The following TRIM72 variants were observed in gnomAD, a reference collection of about 807,000 sequenced individuals.
The protein encoded by TRIM72 is tripartite motif-containing protein 72.
Under a neutral mutation model 31.6 loss-of-function variants are expected in TRIM72, and 33 were observed. The observed-to-expected ratio is 1.04, with a 90% CI of 0.79 to 1.40. TRIM72 has a LOEUF of 1.40. Among genes scored for constraint, TRIM72 ranks in the 40% most tolerant of loss-of-function variants. TRIM72 has a pLI of 0.00. For missense variants in TRIM72, 666 were observed against 682.7 expected, an observed-to-expected ratio of 0.98 and a Z score of 0.27; for synonymous variants, 301 against 314.4, an observed-to-expected ratio of 0.96 and a Z score of 0.45.
chr16:31,217,326 G>C, intron 2 of TRIM72: 1 of 381,716 alleles, frequency 2.6e-6, no homozygotes, highest in Admixed American at 4.4e-5. Context: ...CTGATTCCAT[G>C]GTCAGGCACC....
chr16:31,224,302 G>T lies in TRIM72; in HGVS notation c.981G>T (p.Gln327His). 6.2e-7 allele frequency: 1 copy of T among 1,602,116 alleles called. No homozygotes were observed. The highest frequency in any genetic ancestry group is 8.5e-7 in the Non-Finnish European group (1 of 1,177,418). Residue 327 changes from glutamine (Q) to histidine (H), a missense_variant, in exon 7 of 7, where the codon CAG becomes CAT. Transcript: ENST00000322122. ...CGCCGGCCGGGGAGGACCCGCGCCAGTTCGACAAGGCGGTGGCGGTGGTGG... is the reference window on the plus strand; with the variant it reads ...CGCCGGCCGGGGAGGACCCGCGCCATTTCGACAAGGCGGTGGCGGTGGTGG... ...KAPPAGEDPR[Q>H]FDKAVAVVAH...
chr16:31,226,322 G>C lies in TRIM72; in HGVS notation c.*1567G>C, dbSNP rs1365836040. ...ACCAAAGCAAAGACACTTAAGGGCT[G>C]GGTACTCATGCCTGTAAACCCAACA... On this transcript the variant is annotated 3_prime_UTR_variant, in exon 7 of 7. Transcript: ENST00000322122. 6.6e-6 allele frequency: 1 copy of C among 152,166 alleles called. No homozygotes were observed. Among genetic ancestry groups the C allele is most frequent in the Non-Finnish European group, 1.5e-5 (1 of 68,046 alleles). 9.4% of individuals were successfully genotyped at this position (152,166 alleles called of 1,614,324 possible).
intron 5 of TRIM72, among the ~76,000 whole-genome samples, chr16:31,222,446 T>C (rs1478750218): frequency 1.0e-4 from 15 of 148,202 alleles, no homozygotes; most frequent in African/African-American, 3.7e-4. Context: ...ATAATACATG[T>C]AACATAAAAT....
chr16:31,230,113 A>G lies in TRIM72; in HGVS notation c.*5358A>G, dbSNP rs537361190. ...AAAAGAAATTAAAGAATGTGTAAGC[A>G]AAAACTCAGTTGTATGTAAGAAAAC... On this transcript the variant is annotated 3_prime_UTR_variant, in exon 7 of 7. Coordinates refer to ENST00000322122, the MANE Select transcript of TRIM72 (RefSeq NM_001008274.4). The G allele has an allele frequency of 6.6e-6, 1 of 152,302 alleles. No individual in the cohort carries two copies. Among genetic ancestry groups the G allele is most frequent in the East Asian group, 1.9e-4 (1 of 5,170 alleles). The allele number at this position is 152,302 out of a possible 1,614,324, so 9.4% of individuals were successfully genotyped here. A position where few individuals can be genotyped will look rare whatever the true frequency, so the allele number is the denominator to read the frequency against.
chr16:31,224,790 T>G lies in TRIM72; in HGVS notation c.*35T>G. The G allele has an allele frequency of 7.0e-7, 1 of 1,423,870 alleles. No individual in the cohort carries two copies. The highest frequency in any genetic ancestry group is 2.9e-5 in the Admixed American group (1 of 34,328). The allele number at this position is 1,423,870 out of a possible 1,614,324, so 88.2% of individuals were successfully genotyped here. A position where few individuals can be genotyped will look rare whatever the true frequency, so the allele number is the denominator to read the frequency against. ...CGGGTAGTGGAGGGGCGCGGGGGCC[T>G]GGGTTGAAGCTTAGGTCTCCTTGGT... On this transcript the variant is annotated 3_prime_UTR_variant, in exon 7 of 7. Coordinates refer to ENST00000322122, the MANE Select transcript of TRIM72 (RefSeq NM_001008274.4).
chr16:31,216,432 A>C lies in TRIM72; in HGVS notation c.390+1304A>C, dbSNP rs1373621756. On this transcript the variant is annotated intron_variant, in intron 2 of 6. Transcript: ENST00000322122. The surrounding 1 kb of genome is among the most constrained non-coding windows in gnomAD (Gnocchi z 6.7). ...AAATCTTGCTGCCGCTAAAAAAAAA[A>C]CAAAAAACAAACAAACAAAAAAAAC... 1.8e-5 allele frequency: 6 copies of C among 339,764 alleles called. No homozygotes were observed. Among genetic ancestry groups the C allele is most frequent in the East Asian group, 4.7e-5 (1 of 21,080 alleles). 21.0% of individuals were successfully genotyped at this position (339,764 alleles called of 1,614,324 possible).
Position 31,228,569 on chromosome 16 carries a change from CTT to C in TRIM72, c.*3833_*3834del, listed in dbSNP as rs35529522. 2.8e-4 allele frequency: 37 copies of C among 133,362 alleles called. No homozygotes were observed. Among genetic ancestry groups the C allele is most frequent in the South Asian group, 4.8e-4 (2 of 4,210 alleles). The allele number at this position is 133,362 out of a possible 1,614,324, so 8.3% of individuals were successfully genotyped here. A position where few individuals can be genotyped will look rare whatever the true frequency, so the allele number is the denominator to read the frequency against. ...TGAACTGCTGGGGTCTCTGCACCTC[CTT>C]TTTTTTTTTTTTTTTTTTGAGATGC... On this transcript the variant is annotated 3_prime_UTR_variant, in exon 7 of 7. Transcript: ENST00000322122.
chr16:31,224,246 C>T lies in TRIM72; in HGVS notation c.925C>T (p.Arg309Cys), dbSNP rs758879061. The change falls in exon 7 of 7, where the codon CGC becomes TGC. Residue 309 changes from arginine (R) to cysteine (C), a missense_variant. Coordinates refer to ENST00000322122, the MANE Select transcript of TRIM72 (RefSeq NM_001008274.4). ...HPSLVVSSSG[R>C]RVECSEQKAP... The stretch of plus-strand genomic sequence containing the variant: ...GAGCCTGGTGGTGTCTTCCTCTGGC[C>T]GCCGCGTGGAGTGCTCGGAGCAGAA... 1.2e-6 allele frequency: 2 copies of T among 1,604,982 alleles called. No individual in the cohort carries two copies. Among genetic ancestry groups the T allele is most frequent in the Middle Eastern group, 1.7e-4 (1 of 6,058 alleles).
Position 31,219,314 on chromosome 16 carries a change from C to G in TRIM72, c.512C>G (p.Ala171Gly). The G allele has an allele frequency of 6.2e-7, 1 of 1,614,126 alleles. No homozygotes were observed. Among genetic ancestry groups the G allele is most frequent in the Admixed American group, 1.7e-5 (1 of 60,010 alleles). Reference sequence around the variant, plus strand: ...GAGACAGTGCGTCAGTTCCGGGGGGCCGTGGGGGAGCAGCTGGGCAAGATG... The same window carrying G: ...GAGACAGTGCGTCAGTTCCGGGGGGGCGTGGGGGAGCAGCTGGGCAAGATG... ...VEETVRQFRG[A>G]VGEQLGKMRV... The change falls in exon 4 of 7, where the codon GCC becomes GGC. Residue 171 changes from alanine (A) to glycine (G), a missense_variant. Coordinates refer to ENST00000322122, the MANE Select transcript of TRIM72 (RefSeq NM_001008274.4). This position sits in a 1 kb window ranked among gnomAD's most constrained non-coding sequence, Gnocchi z 4.2.
chr16:31,220,732 A>C (rs2079529810), intron 4 of TRIM72, among the ~76,000 whole-genome samples, 164 bp from the exon 5 acceptor site: 3 of 151,914 alleles, frequency 2.0e-5, no homozygotes, highest in Admixed American at 2.0e-4. Context: ...TGGCCTCCCA[A>C]AGTGTTGAGA....
rs541948864 is a variant in TRIM72 at position 31,224,563 on chromosome 16, C to T, written c.1242C>T (p.Gly414=). ...RSPERRPTRI[G]LYLSFGDGVL... ...CCGAGAGGCGGCCCACGCGCATTGGCCTTTACCTGAGCTTCGGCGACGGCG... is the reference window on the plus strand; with the variant it reads ...CCGAGAGGCGGCCCACGCGCATTGGTCTTTACCTGAGCTTCGGCGACGGCG... Residue 414 remains glycine (G), a synonymous_variant, in exon 7 of 7, where the codon GGC becomes GGT. Coordinates refer to ENST00000322122, the MANE Select transcript of TRIM72 (RefSeq NM_001008274.4). 5.2e-6 allele frequency: 8 copies of T among 1,546,764 alleles called. No homozygotes were observed. The East Asian group carries it at 1.9e-4, about 37-fold the overall frequency.
In TRIM72 at chr16:31,222,900, T is replaced by C. The variant is rs750277758; in HGVS notation, c.814T>C (p.Phe272Leu). ...DIQLPIISDD[F>L]KFQVWRKMFR... is the part of the protein sequence containing the mutation. Reference sequence around the variant, plus strand: ...CCAGCTGCCAATTATCTCAGATGACTTCAAATTCCAGGTGTGGAGGAAGAT... The same window carrying C: ...CCAGCTGCCAATTATCTCAGATGACCTCAAATTCCAGGTGTGGAGGAAGAT... Residue 272 changes from phenylalanine (F) to leucine (L), a missense_variant, in exon 6 of 7, where the codon TTC becomes CTC. Physicochemically the swap from Phe to Leu is conservative, Grantham distance 22. Transcript: ENST00000322122. The C allele has an allele frequency of 6.5e-7, 1 of 1,532,250 alleles. No homozygotes were observed. Among genetic ancestry groups the C allele is most frequent in the Non-Finnish European group, 8.8e-7 (1 of 1,139,996 alleles). 94.9% of individuals were successfully genotyped at this position (1,532,250 alleles called of 1,614,324 possible).
rs2079504663 is a variant in TRIM72 at position 31,215,606 on chromosome 16, T to C, written c.390+478T>C. Among the ~76,000 whole-genome samples the C allele has an allele frequency of 6.6e-6, 1 of 152,166 alleles. No homozygotes were observed. ...GGCGGCCGGGGCAGGGTTGTCCCCT[T>C]GTGCTCAGCGGAGGCCCACGCACCC... On this transcript the variant is annotated intron_variant, in intron 2 of 6. Coordinates refer to ENST00000322122, the MANE Select transcript of TRIM72 (RefSeq NM_001008274.4). The surrounding 1 kb of genome is among the most constrained non-coding windows in gnomAD (Gnocchi z 6.3).
chr16:31,224,853 G>A lies in TRIM72; in HGVS notation c.*98G>A. 1 of 1,239,476 alleles carries A rather than the reference G, an allele frequency of 8.1e-7. No individual in the cohort carries two copies. Among genetic ancestry groups the A allele is most frequent in the Non-Finnish European group, 1.1e-6 (1 of 938,232 alleles). 76.8% of individuals were successfully genotyped at this position (1,239,476 alleles called of 1,614,324 possible). On this transcript the variant is annotated 3_prime_UTR_variant, in exon 7 of 7. Coordinates refer to ENST00000322122, the MANE Select transcript of TRIM72 (RefSeq NM_001008274.4). ...GAGAAGGGTGGGGAGCGGGTTGCCA[G>A]GGCCCAGGGGGCTGGGAACTGGGGG...
At position 31,219,053 on chromosome 16, in the gene TRIM72, G is replaced by C. The variant is rs188871279; in HGVS notation, c.391-42G>C. ...TTAGGATGGGAGGTGTGGGTTTTGG[G>C]TGGGTGGCATCCCCATCACTTCTCC... On this transcript the variant is annotated intron_variant, in intron 2 of 6. Transcript: ENST00000322122. The surrounding 1 kb of genome is among the most constrained non-coding windows in gnomAD (Gnocchi z 4.2). The C allele has an allele frequency of 7.2e-6, 11 of 1,536,644 alleles. No individual in the cohort carries two copies. The East Asian group carries it at 2.4e-4, about 34-fold the overall frequency.
At chr16:31,224,071 A>G in intron 6 of TRIM72, 110 bp from the exon 7 acceptor site, 1 of 1,293,772 alleles carries the variant, frequency 7.7e-7, no homozygotes, top group Non-Finnish European at 1.0e-6. Flanking sequence ...AAGCCCAGTG[A>G]GCAGAGATGC....
chr16:31,219,035 G>A lies in TRIM72; in HGVS notation c.391-60G>A. The A allele has an allele frequency of 6.8e-7, 1 of 1,476,352 alleles. No homozygotes were observed. The highest frequency in any genetic ancestry group is 9.2e-7 in the Non-Finnish European group (1 of 1,085,926). 91.5% of individuals were successfully genotyped at this position (1,476,352 alleles called of 1,614,324 possible). The stretch of plus-strand genomic sequence containing the variant: ...GAGCCACAGAGGGCAGGTTTAGGAT[G>A]GGAGGTGTGGGTTTTGGGTGGGTGG... On this transcript the variant is annotated intron_variant, in intron 2 of 6. Transcript: ENST00000322122. This position sits in a 1 kb window ranked among gnomAD's most constrained non-coding sequence, Gnocchi z 4.2.
In TRIM72 at chr16:31,215,000, G is replaced by T. The variant is rs2079500439; in HGVS notation, c.262G>T (p.Glu88Ter). 6.7e-7 allele frequency: 1 copy of T among 1,501,066 alleles called. No individual in the cohort carries two copies. The highest frequency in any genetic ancestry group is 8.8e-7 in the Non-Finnish European group (1 of 1,133,080). 93.0% of individuals were successfully genotyped at this position (1,501,066 alleles called of 1,614,324 possible). A position where few individuals can be genotyped will look rare whatever the true frequency, so the allele number is the denominator to read the frequency against. ...CCAGGTGCCGCAGGGCCACTGCGAGGAGCACCTGGACCCGCTGAGCATCTA... is the reference window on the plus strand; with the variant it reads ...CCAGGTGCCGCAGGGCCACTGCGAGTAGCACCTGGACCCGCTGAGCATCTA... ...LAQVPQGHCE[E>*]HLDPLSIYCE... Residue 88 changes from glutamate to a stop codon, truncating the protein, a stop_gained, in exon 2 of 7, where the codon GAG (glutamate) becomes TAG (stop). Coordinates refer to ENST00000322122, the MANE Select transcript of TRIM72 (RefSeq NM_001008274.4). LOFTEE classifies it high-confidence loss of function.
At position 31,215,869 on chromosome 16, in the gene TRIM72, T is replaced by C. The variant is rs2079505785; in HGVS notation, c.390+741T>C. On this transcript the variant is annotated intron_variant, in intron 2 of 6. Transcript: ENST00000322122. The surrounding 1 kb of genome is among the most constrained non-coding windows in gnomAD (Gnocchi z 6.3). The stretch of plus-strand genomic sequence containing the variant: ...GCAGAGACACCCAGACAGAGGCAAA[T>C]AGAGACGAACGCACACTGGCTGGTG... 1 of 151,938 alleles carries C rather than the reference T, an allele frequency of 6.6e-6. No individual in the cohort carries two copies. The highest frequency in any genetic ancestry group is 2.1e-4 in the South Asian group (1 of 4,814). 9.4% of individuals were successfully genotyped at this position (151,938 alleles called of 1,614,324 possible).
Sources: allele counts gnomAD v4.1 joint callset (sites outside exome capture counted in the v4.1 genomes callset), GRCh38; gene constraint gnomAD v4.1.1; non-coding constraint Gnocchi (gnomAD v3.1); transcripts MANE v1.5; gene names NCBI Gene and HGNC (gene_info 2026-07-23, HGNC 2026-07-21).